Variants in TRMT9B observed in about 807,000 individuals in gnomAD.
The protein encoded by TRMT9B is tRNA methyltransferase 9B (putative).
A neutral mutation model predicts 11.5 loss-of-function variants in TRMT9B; 16 were observed. The ratio of observed to expected loss-of-function variants is 1.39; its 90% CI spans 0.94 to 2.11. The LOEUF (loss-of-function observed/expected upper bound fraction) is 2.11, where lower values mean the gene tolerates loss of function less well. Ranked by LOEUF, TRMT9B falls within the 30% of genes most tolerant of loss-of-function variation. TRMT9B has a pLI of 0.00. For missense variants in TRMT9B, 941 were observed against 553.8 expected (o/e 1.70, Z -7.02); for synonymous variants, 274 against 192.4 (o/e 1.42, Z -3.51).
Position 13,021,724 on chromosome 8 carries a change from T to C in TRMT9B, c.1045T>C (p.Phe349Leu), listed in dbSNP as rs1481355441. ...GEMRRNGGGN[F>L]LDSTNTGVNC... ...AATGAGGAGAAATGGAGGGGGAAATTTTCTGGATAGCACTAATACTGGTGT... is the reference window on the plus strand; with the variant it reads ...AATGAGGAGAAATGGAGGGGGAAATCTTCTGGATAGCACTAATACTGGTGT... Residue 349 changes from phenylalanine to leucine, a missense_variant, in exon 5 of 5, where the codon TTT (phenylalanine) becomes CTT (leucine). Physicochemically the swap from Phe to Leu is conservative, Grantham distance 22. Transcript: ENST00000524591. 1 of 1,613,546 alleles carries C rather than the reference T, an allele frequency of 6.2e-7. No homozygotes were observed. Among genetic ancestry groups the C allele is most frequent in the Non-Finnish European group, 8.5e-7 (1 of 1,179,600 alleles).
intron 1 of TRMT9B, among the ~76,000 whole-genome samples, chr8:12,964,605 C>T (rs910050337): frequency 2.6e-5 from 4 of 152,144 alleles, no homozygotes; most frequent in Non-Finnish European, 5.9e-5. Flanking sequence ...GACGGGGTCT[C>T]TCTCTGTCAC....
chr8:12,952,224 T>C, intron 1 of TRMT9B: 1 of 449,214 alleles, frequency 2.2e-6, no homozygotes, highest in Non-Finnish European at 4.5e-6. Flanking sequence ...CTGACAATGG[T>C]CTGCATAGGG....
At position 13,025,114 on chromosome 8, in the gene TRMT9B, G is replaced by C. The variant is rs868299986; in HGVS notation, c.*3070G>C. The C allele has an allele frequency of 6.0e-6, 1 of 166,922 alleles. No individual in the cohort carries two copies. Among genetic ancestry groups the C allele is most frequent in the Non-Finnish European group, 1.5e-5 (1 of 68,100 alleles). The allele number at this position is 166,922 out of a possible 1,614,324, so 10.3% of individuals were successfully genotyped here. On this transcript the variant is annotated 3_prime_UTR_variant, in exon 5 of 5. Transcript: ENST00000524591. Reference sequence around the variant, plus strand: ...ATCACTTACTTCCTTATTAATACTAGATCACACAGTGTCTTTCTTATTCCT... The same window carrying C: ...ATCACTTACTTCCTTATTAATACTACATCACACAGTGTCTTTCTTATTCCT...
intron 4 of TRMT9B, among the ~76,000 whole-genome samples, chr8:13,014,702 T>C (rs74932171): frequency 0.011 from 1,629 of 152,260 alleles, 17 homozygotes; most frequent in Middle Eastern, 0.017. Flanking sequence ...CACTATACAA[T>C]GCTTTGAATC....
chr8:13,018,086 T>C (rs1031741247), intron 4 of TRMT9B, among the ~76,000 whole-genome samples: 1 of 118,642 alleles, frequency 8.4e-6, no homozygotes, highest in African/African-American at 3.3e-5. Flanking sequence ...AATGAATAAA[T>C]AAGGACTTTC....
At chr8:12,978,549 T>C (rs990179868) in intron 1 of TRMT9B, among the ~76,000 whole-genome samples, 2 of 150,884 alleles carry the variant, frequency 1.3e-5, no homozygotes, top group Admixed American at 1.3e-4. Context: ...GATAGATAGA[T>C]AGATAGATAG....
rs1813774410 is a variant in TRMT9B, at chr8:13,021,192, G to A, written c.513G>A (p.Glu171=). The stretch of plus-strand genomic sequence containing the variant: ...CTCTGTGTTCCCAGCTCTTCTCAGA[G>A]TCCAGCCAGTCTGGGAGGAAGAGGC... ...NRALCSQLFS[E]SSQSGRKRQC... The change falls in exon 5 of 5, where the codon GAG becomes GAA. Residue 171 remains glutamate (E), a synonymous_variant. Transcript: ENST00000524591. 1.9e-6 allele frequency: 3 copies of A among 1,613,676 alleles called. No individual in the cohort carries two copies. The highest frequency in any genetic ancestry group is 1.3e-5 in the African/African-American group (1 of 74,912).
chr8:12,990,989 C>A lies in TRMT9B; in HGVS notation c.-44C>A. The A allele has an allele frequency of 7.8e-7, 1 of 1,283,032 alleles. No homozygotes were observed. The highest frequency in any genetic ancestry group is 1.0e-6 in the Non-Finnish European group (1 of 985,120). 79.5% of individuals were successfully genotyped at this position (1,283,032 alleles called of 1,614,324 possible). A position where few individuals can be genotyped will look rare whatever the true frequency, so the allele number is the denominator to read the frequency against. On this transcript the variant is annotated 5_prime_UTR_variant, in exon 2 of 5. Transcript: ENST00000524591. ...TGGAGGTGGAGACTGCCGTGATTCA[C>A]AAAGACAAGAGGTAATTTTCCTGTA...
At chr8:12,994,145 C>T (rs1365930846) in intron 2 of TRMT9B, among the ~76,000 whole-genome samples, 2 of 152,176 alleles carry the variant, frequency 1.3e-5, no homozygotes, top group Non-Finnish European at 2.9e-5. Flanking sequence ...CCCAAAGGAA[C>T]AGAGGATAAA....
At chr8:12,989,848 A>C (rs563708164) in intron 1 of TRMT9B, among the ~76,000 whole-genome samples, 2 of 152,352 alleles carry the variant, frequency 1.3e-5, no homozygotes, top group East Asian at 3.9e-4. Context: ...ACTTCTAAAA[A>C]GTTAGCTTCT....
At chr8:13,009,581 A>T (rs975794036) in intron 3 of TRMT9B, among the ~76,000 whole-genome samples, 4 of 152,148 alleles carry the variant, frequency 2.6e-5, no homozygotes, top group Non-Finnish European at 5.9e-5. Context: ...TTTATGTAAA[A>T]ATAAGCGTAT....
chr8:13,009,864 C>A (rs1341342624), intron 3 of TRMT9B, among the ~76,000 whole-genome samples: 1 of 152,130 alleles, frequency 6.6e-6, no homozygotes, highest in Non-Finnish European at 1.5e-5. Flanking sequence ...CGCGGTATCT[C>A]ACACGTGTAA....
chr8:12,991,414 G>C (rs1807308918), intron 2 of TRMT9B, among the ~76,000 whole-genome samples: 1 of 152,086 alleles, frequency 6.6e-6, no homozygotes, highest in African/African-American at 2.4e-5. Flanking sequence ...TTTGTAATTA[G>C]GTCTTTTTTA....
intron 4 of TRMT9B, among the ~76,000 whole-genome samples, chr8:13,017,459 C>G (rs867914222): frequency 2.0e-5 from 3 of 152,024 alleles, no homozygotes; most frequent in Non-Finnish European, 4.4e-5. Flanking sequence ...ACAAAAGGGA[C>G]TTTAAAAAAT....
At chr8:12,993,695 C>T (rs888980260) in intron 2 of TRMT9B, among the ~76,000 whole-genome samples, 4 of 152,338 alleles carry the variant, frequency 2.6e-5, no homozygotes, top group African/African-American at 9.6e-5. Context: ...TCTTTTGCTC[C>T]AGTCAGAGTC....
Position 13,023,803 on chromosome 8 carries a change from G to A in TRMT9B, c.*1759G>A, listed in dbSNP as rs1202607015. 1 of 166,324 alleles carries A rather than the reference G, an allele frequency of 6.0e-6. No homozygotes were observed. The highest frequency in any genetic ancestry group is 1.5e-5 in the Non-Finnish European group (1 of 68,074). 10.3% of individuals were successfully genotyped at this position (166,324 alleles called of 1,614,324 possible). On this transcript the variant is annotated 3_prime_UTR_variant, in exon 5 of 5. Coordinates refer to ENST00000524591, the MANE Select transcript of TRMT9B (RefSeq NM_020844.3). ...TTGTGCTATAACTTAAAATAATGAT[G>A]TTACTTTTGAACAAACTTAAAGAAA...
At chr8:12,994,525 A>G (rs1353720085) in intron 2 of TRMT9B, among the ~76,000 whole-genome samples, 2 of 152,102 alleles carry the variant, frequency 1.3e-5, no homozygotes, top group Non-Finnish European at 2.9e-5. Flanking sequence ...AGGTGACTTA[A>G]TTTATGCGTC....
intron 1 of TRMT9B, among the ~76,000 whole-genome samples, chr8:12,953,376 G>T (rs1800888559): frequency 6.6e-6 from 1 of 152,034 alleles, no homozygotes; most frequent in South Asian, 2.1e-4. Context: ...TTGAGATGGA[G>T]CCTCACTCTA....
At chr8:13,009,960 C>G (rs1811284131) in intron 3 of TRMT9B, among the ~76,000 whole-genome samples, 1 of 151,894 alleles carries the variant, frequency 6.6e-6, no homozygotes, top group African/African-American at 2.4e-5. Flanking sequence ...AACCCCATCT[C>G]TACAAAAAAT....
Sources: gnomAD v4.1 joint callset for allele counts (sites outside exome capture counted in the v4.1 genomes callset) on GRCh38, gnomAD v4.1.1 for gene constraint, MANE v1.5 for transcripts, NCBI Gene and HGNC (gene_info 2026-07-23, HGNC 2026-07-21) for gene names.